The following SLC4A7 variants were observed in gnomAD, a reference collection of about 807,000 sequenced individuals.
SLC4A7 encodes the protein sodium bicarbonate cotransporter 3.
In SLC4A7, 51 loss-of-function variants were observed where a neutral mutation model predicts 137.6. The observed-to-expected ratio is 0.37, with a 90% CI of 0.30 to 0.47. The LOEUF (loss-of-function observed/expected upper bound fraction) is 0.47. SLC4A7 is among the 20% of genes least tolerant of loss of function. The pLI, the probability that SLC4A7 is intolerant of heterozygous loss-of-function variation, is 1.00. For synonymous variants in SLC4A7, 542 were observed against 518.6 expected (o/e 1.05, Z -0.61); for missense variants, 1,247 against 1,525.4 (o/e 0.82, Z 3.04).
At chr3:27,414,344 T>G (rs2054184418) in intron 11 of SLC4A7, among the ~76,000 whole-genome samples, 1 of 152,068 alleles carries the variant, frequency 6.6e-6, no homozygotes. Flanking sequence ...CCAACTCCCA[T>G]GCAGTTGAAA....
At chr3:27,391,431 AC>A (rs2051544507) in intron 21 of SLC4A7, among the ~76,000 whole-genome samples, 1 of 152,080 alleles carries the variant, frequency 6.6e-6, no homozygotes, top group Non-Finnish European at 1.5e-5. Context: ...AAGTACCAAA[AC>A]TTTTTTTCAA....
chr3:27,409,692 T>C lies in SLC4A7; in HGVS notation c.1767-162A>G, dbSNP rs958527763. 4.6e-5 allele frequency among the ~76,000 whole-genome samples: 7 copies of C among 152,216 alleles called. No individual in the cohort carries two copies. In the South Asian group the frequency reaches 1.0e-3, roughly 22 times the overall value. ...AATTACAGAAGATACACTCATTTAATCTAATCTAATGATAGAGGAATGTTA... is the reference window on the plus strand; with the variant it reads ...AATTACAGAAGATACACTCATTTAACCTAATCTAATGATAGAGGAATGTTA... On this transcript the variant is annotated intron_variant, in intron 12 of 25. Transcript: ENST00000454389.
chr3:27,457,034 G>A (rs1334857942), intron 1 of SLC4A7: 2 of 570,286 alleles, frequency 3.5e-6, no homozygotes, highest in African/African-American at 2.0e-5. Context: ...GGATGTGTGA[G>A]AGTATGGTTT....
chr3:27,433,067 G>C (rs1227654681), intron 6 of SLC4A7: 2 of 152,108 alleles, frequency 1.3e-5, no homozygotes, highest in Non-Finnish European at 2.9e-5. Context: ...AGAAAAACTA[G>C]ACCCTATCAC....
At chr3:27,395,771 G>A (rs1189956099) in intron 18 of SLC4A7, among the ~76,000 whole-genome samples, 1 of 152,176 alleles carries the variant, frequency 6.6e-6, no homozygotes, top group Non-Finnish European at 1.5e-5. Context: ...TGTAGAAATT[G>A]ATAAGCAAAC....
intron 11 of SLC4A7, among the ~76,000 whole-genome samples, chr3:27,414,424 T>C (rs2054192198): frequency 6.6e-6 from 1 of 152,180 alleles, no homozygotes; most frequent in Non-Finnish European, 1.5e-5. Context: ...ACTGGTAACA[T>C]GAACAGTCGA....
intron 23 of SLC4A7, 52 bp from the exon 24 acceptor site, chr3:27,383,302 G>T (rs755331664): frequency 5.3e-5 from 68 of 1,277,564 alleles, no homozygotes; most frequent in Non-Finnish European, 7.0e-5. Context: ...TTTTCCAAGA[G>T]AATTGACTAA....
At chr3:27,463,835 C>G (rs2058831723) in intron 1 of SLC4A7, among the ~76,000 whole-genome samples, 1 of 152,132 alleles carries the variant, frequency 6.6e-6, no homozygotes. Context: ...CTGTGTTGTT[C>G]TTTTCGCCGG....
rs1454606191 is a variant in SLC4A7 at position 27,375,078 on chromosome 3, T to C, written c.*1686A>G. ...CCGAGGCAGAAGTTGAATCCATCAT[T>C]TTAACAAGACTCTTACAATATGGTC... On this transcript the variant is annotated 3_prime_UTR_variant, in exon 26 of 26. Coordinates refer to ENST00000454389, the MANE Select transcript of SLC4A7 (RefSeq NM_001321103.2). 3.3e-5 allele frequency: 5 copies of C among 152,064 alleles called. No homozygotes were observed. The highest frequency in any genetic ancestry group is 1.2e-4 in the African/African-American group (5 of 41,456). The allele number at this position is 152,064 out of a possible 1,614,324, so 9.4% of individuals were successfully genotyped here.
chr3:27,483,213 A>C (rs1478887181), intron 1 of SLC4A7, among the ~76,000 whole-genome samples: 1 of 152,250 alleles, frequency 6.6e-6, no homozygotes, highest in Admixed American at 6.5e-5. Flanking sequence ...TAAAGAAAGC[A>C]GGAAGTCCGC....
intron 8 of SLC4A7, 88 bp from the exon 9 acceptor site, chr3:27,421,867 C>A: frequency 1.1e-6 from 1 of 876,170 alleles, no homozygotes; most frequent in Non-Finnish European, 1.7e-6. Flanking sequence ...CTTTATAAGA[C>A]TACTATTTGC....
In SLC4A7 at chr3:27,431,447, T is replaced by G; in HGVS notation, c.1001A>C (p.Gln334Pro). 4 of 1,614,034 alleles carry G rather than the reference T, an allele frequency of 2.5e-6. No homozygotes were observed. Among genetic ancestry groups the G allele is most frequent in the East Asian group, 2.2e-5 (1 of 44,868 alleles). The change falls in exon 7 of 26, where the codon CAA becomes CCA. Residue 334 changes from glutamine to proline, a missense_variant. Gln to Pro is a moderately conservative substitution (Grantham distance 76). Transcript: ENST00000454389. ...SISRLTSRSS[Q>P]ESQRQAPELL... ...TTCTGGGGCCTGACGCTGACTCTCT[T>G]GGGAACTTCTGGAGGTCAGGCGGCT...
chr3:27,443,040 T>TC (rs2057334820), intron 3 of SLC4A7, among the ~76,000 whole-genome samples: 1 of 143,732 alleles, frequency 7.0e-6, no homozygotes, highest in Non-Finnish European at 1.5e-5. Context: ...TTCTTTTTTT[T>TC]TTTTTTTTTG....
chr3:27,417,668 T>A (rs1316635533), intron 11 of SLC4A7, among the ~76,000 whole-genome samples: 2 of 152,176 alleles, frequency 1.3e-5, no homozygotes, highest in Non-Finnish European at 2.9e-5. Flanking sequence ...GCAGGAAGTT[T>A]GCTTGAGCCC....
chr3:27,409,479 C>G lies in SLC4A7; in HGVS notation c.1818G>C (p.Leu606Phe). The G allele has an allele frequency of 6.2e-7, 1 of 1,612,568 alleles. No individual in the cohort carries two copies. Among genetic ancestry groups the G allele is most frequent in the Non-Finnish European group, 8.5e-7 (1 of 1,179,528 alleles). Reference sequence around the variant, plus strand: ...GGCTTAATGCATCCTTGAAGTCACTCAAGAAAAAAGGTGCTTTCCTTTTGA... The same window carrying G: ...GGCTTAATGCATCCTTGAAGTCACTGAAGAAAAAAGGTGCTTTCCTTTTGA... ...LDIKRKAPFF[L>F]SDFKDALSLQ... The change falls in exon 13 of 26, where the codon TTG (leucine) becomes TTC (phenylalanine). Residue 606 changes from leucine to phenylalanine, a missense_variant. Leu to Phe is a conservative substitution (Grantham distance 22, BLOSUM62 0). Coordinates refer to ENST00000454389, the MANE Select transcript of SLC4A7 (RefSeq NM_001321103.2).
intron 1 of SLC4A7, 60 bp downstream of exon 1, chr3:27,484,007 T>A (rs2059837147): frequency 3.2e-6 from 4 of 1,261,352 alleles, no homozygotes; most frequent in Non-Finnish European, 4.0e-6. Context: ...CCCCCGCCTT[T>A]GTCTGCCTCG....
chr3:27,459,077 C>A (rs1033308616), intron 1 of SLC4A7, among the ~76,000 whole-genome samples: 1 of 152,120 alleles, frequency 6.6e-6, no homozygotes, highest in Non-Finnish European at 1.5e-5. Flanking sequence ...CCCTCCCCAC[C>A]AGTACTTAAG....
intron 8 of SLC4A7, chr3:27,422,766 A>T (rs1205905928): frequency 4.4e-6 from 2 of 455,944 alleles, no homozygotes. Flanking sequence ...TATGAAAAGT[A>T]AAACCAGCAC....
intron 18 of SLC4A7, among the ~76,000 whole-genome samples, chr3:27,396,415 G>C (rs546526173): frequency 6.6e-6 from 1 of 151,940 alleles, no homozygotes; most frequent in Admixed American, 6.6e-5. Flanking sequence ...ACTTAGGCCA[G>C]GATTACAGGA....
Sources: gnomAD v4.1 joint callset for allele counts (sites outside exome capture counted in the v4.1 genomes callset) on GRCh38, gnomAD v4.1.1 for gene constraint, MANE v1.5 for transcripts, NCBI Gene and HGNC (gene_info 2026-07-23, HGNC 2026-07-21) for gene names.